Variants in ZNF718 observed in about 807,000 individuals in gnomAD.
The protein encoded by ZNF718 is zinc finger protein 718.
ZNF718 carries 3 observed loss-of-function variants against 2.6 expected under a neutral mutation model. The observed-to-expected ratio is 1.16, with a 90% CI of 0.53 to 3.01. The LOEUF (loss-of-function observed/expected upper bound fraction) is 3.01, where lower values mean the gene tolerates loss of function less well. ZNF718 is among the 30% of genes most tolerant of loss of function. The probability of loss-of-function intolerance (pLI) is 0.03; values close to 1 mark genes in which losing one functional copy is unlikely to be tolerated. For synonymous variants in ZNF718, 135 were observed against 77.9 expected (o/e 1.73, Z -3.86); for missense variants, 468 against 230.0 (o/e 2.03, Z -6.69).
chr4:161,512 T>A lies in ZNF718; in HGVS notation c.827T>A (p.Ile276Asn). ...QSSTLNLHKR[I>N]HSAQKYYKCE... is the part of the protein sequence containing the mutation. ...TCAACCCTTAATTTACATAAGAGAA[T>A]TCATTCTGCACAAAAATACTACAAA... The change falls in exon 4 of 4, where the codon ATT becomes AAT. Residue 276 changes from isoleucine to asparagine, a missense_variant. By Grantham distance (149) the Ile-to-Asn change is moderately radical. Coordinates refer to ENST00000510175, the MANE Select transcript of ZNF718 (RefSeq NM_001039127.6). 1 of 780,780 alleles carries A rather than the reference T, an allele frequency of 1.3e-6. No individual in the cohort carries two copies. The highest frequency in any genetic ancestry group is 2.4e-6 in the Non-Finnish European group (1 of 417,932). 48.4% of individuals were successfully genotyped at this position (780,780 alleles called of 1,614,324 possible).
At chr4:175,398 G>A (rs372422834) in intron 3 of ZNF718, among the ~76,000 whole-genome samples, 23 of 152,340 alleles carry the variant, frequency 1.5e-4, no homozygotes, top group African/African-American at 5.1e-4. Context: ...TAAGGAACCA[G>A]ATGTGGAACC....
intron 3 of ZNF718, among the ~76,000 whole-genome samples, chr4:169,784 G>A (rs1053106626): frequency 1.3e-5 from 2 of 152,068 alleles, no homozygotes; most frequent in Non-Finnish European, 2.9e-5. Context: ...ACATTGATGG[G>A]TCTTGACTCT....
At chr4:128,610 G>C (rs1715288683) in intron 1 of ZNF718, among the ~76,000 whole-genome samples, 1 of 102,016 alleles carries the variant, frequency 9.8e-6, no homozygotes, top group Non-Finnish European at 2.2e-5. Flanking sequence ...CACAAAGTCA[G>C]CCTGAGTGTC....
intron 3 of ZNF718, among the ~76,000 whole-genome samples, chr4:139,405 A>G (rs909314946): frequency 6.6e-6 from 1 of 152,224 alleles, no homozygotes; most frequent in Non-Finnish European, 1.5e-5. Context: ...GCAGGAAAAT[A>G]GAGTCTGGAG....
intron 3 of ZNF718, among the ~76,000 whole-genome samples, chr4:148,078 G>C (rs148382715): frequency 1.3e-3 from 205 of 152,270 alleles, no homozygotes; most frequent in Non-Finnish European, 2.3e-3. Flanking sequence ...TAAGACTTCA[G>C]CTCTGTTTCT....
Position 161,808 on chromosome 4 carries a change from G to A in ZNF718, c.1123G>A (p.Ala375Thr), listed in dbSNP as rs782095888. 1.3e-6 allele frequency: 1 copy of A among 780,794 alleles called. No individual in the cohort carries two copies. The highest frequency in any genetic ancestry group is 1.3e-5 in the South Asian group (1 of 74,608). 48.4% of individuals were successfully genotyped at this position (780,794 alleles called of 1,614,324 possible). A position where few individuals can be genotyped will look rare whatever the true frequency, so the allele number is the denominator to read the frequency against. Residue 375 changes from alanine (A) to threonine (T), a missense_variant, in exon 4 of 4, where the codon GCC (alanine) becomes ACC (threonine). Ala to Thr is a moderately conservative substitution (Grantham distance 58). Transcript: ENST00000510175. ...KPYTCEECGKAFNWSSTLNVH... is the reference protein window; with the variant it reads ...KPYTCEECGKTFNWSSTLNVH... ...CTACACATGTGAAGAATGTGGAAAA[G>A]CCTTTAATTGGTCCTCAACCCTTAA...
rs1057237085 is a variant in ZNF718, at chr4:161,839, A to G, written c.1154A>G (p.His385Arg). 5.1e-6 allele frequency: 4 copies of G among 780,784 alleles called. No individual in the cohort carries two copies. The highest frequency in any genetic ancestry group is 5.1e-5 in the African/African-American group (3 of 59,150). The allele number at this position is 780,784 out of a possible 1,614,324, so 48.4% of individuals were successfully genotyped here. ...AFNWSSTLNVHKRIHSGKNPY... is the reference protein window; with the variant it reads ...AFNWSSTLNVRKRIHSGKNPY... The stretch of plus-strand genomic sequence containing the variant: ...AATTGGTCCTCAACCCTTAATGTAC[A>G]CAAGAGAATTCACTCTGGAAAAAAT... The change falls in exon 4 of 4, where the codon CAC (histidine) becomes CGC (arginine). Residue 385 changes from histidine to arginine, a missense_variant. His to Arg is a conservative substitution (Grantham distance 29). Coordinates refer to ENST00000510175, the MANE Select transcript of ZNF718 (RefSeq NM_001039127.6).
chr4:151,604 G>T (rs568330751), intron 3 of ZNF718, among the ~76,000 whole-genome samples: 2 of 151,446 alleles, frequency 1.3e-5, no homozygotes, highest in Non-Finnish European at 2.9e-5. Context: ...CCTCAGCCTC[G>T]CAAGTAGCTG....
chr4:158,656 G>T (rs1716684393), intron 3 of ZNF718, among the ~76,000 whole-genome samples: 1 of 151,732 alleles, frequency 6.6e-6, no homozygotes, highest in Non-Finnish European at 1.5e-5. Context: ...CTTTATTATT[G>T]ATGTCACTAA....
chr4:129,519 C>G lies in ZNF718; in HGVS notation c.4-1269C>G, dbSNP rs1715303102. On this transcript the variant is annotated intron_variant, in intron 1 of 3. Transcript: ENST00000510175. ...TCTCCAGAGCTGGTGCTCACAATTT[C>G]CTGATACCCAAAAGCAGATAAATGA... Among the ~76,000 whole-genome samples, 2 of 104,050 alleles carry G rather than the reference C, an allele frequency of 1.9e-5. 1 individual carries two copies. Among genetic ancestry groups the G allele is most frequent in the Non-Finnish European group, 4.3e-5 (2 of 46,680 alleles). The allele number at this position is 104,050 out of a possible 152,430, so 68.3% of individuals were successfully genotyped here.
intron 3 of ZNF718, among the ~76,000 whole-genome samples, chr4:190,677 A>G (rs1292925062): frequency 6.6e-6 from 1 of 152,164 alleles, no homozygotes; most frequent in Non-Finnish European, 1.5e-5. Context: ...GTAAAAGCAG[A>G]AAAGGAGAAG....
At chr4:179,592 T>G (rs2108812863) in intron 3 of ZNF718, among the ~76,000 whole-genome samples, 1 of 152,274 alleles carries the variant, frequency 6.6e-6, no homozygotes, top group Middle Eastern at 3.4e-3. Flanking sequence ...AGAGAAAGAG[T>G]ACAAAGTGTT....
chr4:191,144 C>CTTTTT (rs1194078764), intron 3 of ZNF718, among the ~76,000 whole-genome samples: 2 of 122,282 alleles, frequency 1.6e-5, no homozygotes, highest in Admixed American at 1.6e-4. Context: ...AGACATAAGT[C>CTTTTT]TTTTTTTTTT....
chr4:164,313 T>A (rs9685058), downstream of ZNF718, among the ~76,000 whole-genome samples: 1,936 of 152,174 alleles, frequency 0.013, 47 homozygotes, highest in African/African-American at 0.044. Flanking sequence ...TGGAAATTTG[T>A]ACCTATTTTC....
chr4:167,085 C>T (rs1717106583), downstream of ZNF718, among the ~76,000 whole-genome samples: 1 of 152,084 alleles, frequency 6.6e-6, no homozygotes, highest in South Asian at 2.1e-4. Context: ...CCAGTTTTCC[C>T]AGCACCATTT....
At chr4:182,400 ATTTATATTTATTTATT>A (rs1337284761) in intron 3 of ZNF718, among the ~76,000 whole-genome samples, 8 of 139,018 alleles carry the variant, frequency 5.8e-5, no homozygotes, top group African/African-American at 1.8e-4. Context: ...TTTGATTTTG[ATTTATATTTATTTATT>A]TATTTATTTA....
intron 3 of ZNF718, among the ~76,000 whole-genome samples, chr4:134,292 GC>G (rs1462739339): frequency 6.6e-6 from 1 of 152,004 alleles, no homozygotes; most frequent in African/African-American, 2.4e-5. Flanking sequence ...GACTACAGGT[GC>G]CCGCCACCAC....
chr4:188,576 C>T (rs1553820722), intron 3 of ZNF718, among the ~76,000 whole-genome samples: 1 of 152,168 alleles, frequency 6.6e-6, no homozygotes, highest in Non-Finnish European at 1.5e-5. Flanking sequence ...GTCTGAGTTG[C>T]AGTCACCTTT....
intron 3 of ZNF718, among the ~76,000 whole-genome samples, chr4:137,490 A>G (rs1407690872): frequency 3.9e-5 from 6 of 152,168 alleles, no homozygotes; most frequent in Non-Finnish European, 8.8e-5. Flanking sequence ...AAGGGTTTCA[A>G]TTCATCTACA....
Sources: gnomAD v4.1 joint callset for allele counts (sites outside exome capture counted in the v4.1 genomes callset) on GRCh38, gnomAD v4.1.1 for gene constraint, MANE v1.5 for transcripts, NCBI Gene and HGNC (gene_info 2026-07-23, HGNC 2026-07-21) for gene names.